DTWD1: variants seen among roughly 807,000 people sequenced by gnomAD.
DTWD1 encodes tRNA-uridine aminocarboxypropyltransferase 1.
A neutral mutation model predicts 30.2 loss-of-function variants in DTWD1; 27 were observed. That is an observed-to-expected ratio of 0.90 (90% CI 0.66 to 1.23). The LOEUF (loss-of-function observed/expected upper bound fraction) is 1.23, where lower values mean the gene tolerates loss of function less well. DTWD1 is among the 50% of genes most tolerant of loss of function. The pLI, the probability that DTWD1 is intolerant of heterozygous loss-of-function variation, is 0.00. For missense variants in DTWD1, 342 were observed against 348.8 expected (o/e 0.98, Z 0.15); for synonymous variants, 99 against 113.1 (o/e 0.88, Z 0.79).
intron 3 of DTWD1, among the ~76,000 whole-genome samples, chr15:49,632,798 C>T (rs963349341): frequency 6.6e-6 from 1 of 151,960 alleles, no homozygotes; most frequent in Non-Finnish European, 1.5e-5. Flanking sequence ...TTTTTAGATT[C>T]TTAATTGGTT....
At position 49,652,074 on chromosome 15, in the gene DTWD1, G is replaced by T. The variant is rs1380855479; in HGVS notation, c.*8496G>T. ...GGGTCTTGGAACCCATTTATTCCTAGGGGTAGATGCAAAGAGAGTAGAAGA... is the reference window on the plus strand; with the variant it reads ...GGGTCTTGGAACCCATTTATTCCTATGGGTAGATGCAAAGAGAGTAGAAGA... On this transcript the variant is annotated 3_prime_UTR_variant, in exon 5 of 5. Coordinates refer to ENST00000403028, the MANE Select transcript of DTWD1 (RefSeq NM_001144955.2). 1 of 152,026 alleles carries T rather than the reference G, an allele frequency of 6.6e-6. No individual in the cohort carries two copies. The highest frequency in any genetic ancestry group is 2.4e-5 in the African/African-American group (1 of 41,396). The allele number at this position is 152,026 out of a possible 1,614,324, so 9.4% of individuals were successfully genotyped here. A position where few individuals can be genotyped will look rare whatever the true frequency, so the allele number is the denominator to read the frequency against.
At chr15:49,621,769 C>T (rs2078723728) in intron 1 of DTWD1, among the ~76,000 whole-genome samples, 1 of 152,032 alleles carries the variant, frequency 6.6e-6, no homozygotes, top group African/African-American at 2.4e-5. Context: ...TACCATATGG[C>T]GGGTGGTGTG....
At chr15:49,630,290 T>C (rs886794768) in intron 2 of DTWD1, among the ~76,000 whole-genome samples, 1 of 152,154 alleles carries the variant, frequency 6.6e-6, no homozygotes, top group African/African-American at 2.4e-5. Flanking sequence ...TTAAAACTTA[T>C]TAGATTGTAC....
intron 2 of DTWD1, among the ~76,000 whole-genome samples, chr15:49,627,547 T>A (rs1464230209): frequency 1.3e-5 from 2 of 152,134 alleles, no homozygotes; most frequent in East Asian, 3.9e-4. Flanking sequence ...TGTGCAAACA[T>A]AATAGAATGT....
rs138499340 is a variant in DTWD1, at chr15:49,625,837, A to G, written c.264+406A>G. Among the ~76,000 whole-genome samples the G allele has an allele frequency of 3.9e-5, 6 of 152,294 alleles. No individual in the cohort carries two copies. In the East Asian group the frequency reaches 1.2e-3, roughly 29 times the overall value. On this transcript the variant is annotated intron_variant, in intron 2 of 4. Transcript: ENST00000403028. Reference sequence around the variant, plus strand: ...AGGAGTGGTCTGTCCACTATAGTATAAGGCATGTCTGGACATGTTTGGCCA... The same window carrying G: ...AGGAGTGGTCTGTCCACTATAGTATGAGGCATGTCTGGACATGTTTGGCCA...
rs2079155179 is a variant in DTWD1, at chr15:49,652,009, T to C, written c.*8431T>C. 1 of 152,048 alleles carries C rather than the reference T, an allele frequency of 6.6e-6. No individual in the cohort carries two copies. Among genetic ancestry groups the C allele is most frequent in the Non-Finnish European group, 1.5e-5 (1 of 68,010 alleles). The allele number at this position is 152,048 out of a possible 1,614,324, so 9.4% of individuals were successfully genotyped here. On this transcript the variant is annotated 3_prime_UTR_variant, in exon 5 of 5. Coordinates refer to ENST00000403028, the MANE Select transcript of DTWD1 (RefSeq NM_001144955.2). ...AGATACAGAGTATGTACTGGATCAA[T>C]TATCCTTATATAGCATGTGCCCCAA...
rs1241552210 is a variant in DTWD1, at chr15:49,655,050, C to T, written c.*11472C>T. The stretch of plus-strand genomic sequence containing the variant: ...TCTTCAACCTCATGGCTTCTTGGAA[C>T]CAAATTACTTCCCAAAGTCCTCACC... On this transcript the variant is annotated 3_prime_UTR_variant, in exon 5 of 5. Transcript: ENST00000403028. The T allele has an allele frequency of 6.6e-6, 1 of 152,036 alleles. No homozygotes were observed. Among genetic ancestry groups the T allele is most frequent in the East Asian group, 1.9e-4 (1 of 5,156 alleles). 9.4% of individuals were successfully genotyped at this position (152,036 alleles called of 1,614,324 possible). A position where few individuals can be genotyped will look rare whatever the true frequency, so the allele number is the denominator to read the frequency against.
intron 2 of DTWD1, 198 bp downstream of exon 2, chr15:49,625,629 C>T (rs961852466): frequency 2.8e-5 from 16 of 567,044 alleles, no homozygotes; most frequent in African/African-American, 1.3e-4. Flanking sequence ...AAGGGTGCTG[C>T]GCCTGATCGC....
In DTWD1 at chr15:49,644,688, G is replaced by A. The variant is rs946728636; in HGVS notation, c.*1110G>A. The A allele has an allele frequency of 5.3e-5, 8 of 152,062 alleles. No homozygotes were observed. The highest frequency in any genetic ancestry group is 1.9e-4 in the African/African-American group (8 of 41,388). 9.4% of individuals were successfully genotyped at this position (152,062 alleles called of 1,614,324 possible). ...TCCTCTACTAAATAGTACCTTATCA[G>A]GAATCCTATCTCTTCTGTTCCCAAG... On this transcript the variant is annotated 3_prime_UTR_variant, in exon 5 of 5. Transcript: ENST00000403028.
rs190291708 is a variant in DTWD1, at chr15:49,626,577, G to T, written c.264+1146G>T. 3.1e-3 allele frequency among the ~76,000 whole-genome samples: 471 copies of T among 152,160 alleles called. 2 individuals carry two copies. Among genetic ancestry groups the T allele is most frequent in the African/African-American group, 0.011 (444 of 41,514 alleles). On this transcript the variant is annotated intron_variant, in intron 2 of 4. Transcript: ENST00000403028. Reference sequence around the variant, plus strand: ...CAATTAATGTATAAAATTTGACTGTGTAAGACTTTAGAGAGACTAAATTCT... The same window carrying T: ...CAATTAATGTATAAAATTTGACTGTTTAAGACTTTAGAGAGACTAAATTCT...
rs559987332 is a variant in DTWD1, at chr15:49,643,836, T to C, written c.*258T>C. ...TCAGTTTCATTACTACATTTTAATATAGTGTGTTATGTCTCTGTGATTAGA... is the reference window on the plus strand; with the variant it reads ...TCAGTTTCATTACTACATTTTAATACAGTGTGTTATGTCTCTGTGATTAGA... On this transcript the variant is annotated 3_prime_UTR_variant, in exon 5 of 5. Coordinates refer to ENST00000403028, the MANE Select transcript of DTWD1 (RefSeq NM_001144955.2). The C allele has an allele frequency of 6.6e-5, 20 of 301,604 alleles. No homozygotes were observed. The East Asian group carries it at 1.4e-3, about 21-fold the overall frequency. The allele number at this position is 301,604 out of a possible 1,614,324, so 18.7% of individuals were successfully genotyped here.
chr15:49,621,893 A>G (rs1337176706), intron 1 of DTWD1, among the ~76,000 whole-genome samples: 1 of 152,170 alleles, frequency 6.6e-6, no homozygotes, highest in African/African-American at 2.4e-5. Flanking sequence ...TCTAAAGAAA[A>G]TTGGAAGTGG....
intron 2 of DTWD1, among the ~76,000 whole-genome samples, chr15:49,630,203 G>GA (rs1172427548): frequency 6.6e-6 from 1 of 152,222 alleles, no homozygotes; most frequent in East Asian, 1.9e-4. Context: ...GGAGAAGGAA[G>GA]AAGGGCTTGA....
At chr15:49,634,372 C>A (rs1567740372) in intron 3 of DTWD1, among the ~76,000 whole-genome samples, 164 bp from the exon 4 acceptor site, 1 of 151,838 alleles carries the variant, frequency 6.6e-6, no homozygotes, top group African/African-American at 2.4e-5. Flanking sequence ...AGGGGAGAGC[C>A]AAAAACTTTA....
In DTWD1 at chr15:49,652,569, A is replaced by G. The variant is rs2079158606; in HGVS notation, c.*8991A>G. On this transcript the variant is annotated 3_prime_UTR_variant, in exon 5 of 5. Transcript: ENST00000403028. ...TAGCAGAGGCTGAGGGAAATCTAGA[A>G]TTGATAGTGGAGGATGAGGGGATGT... The G allele has an allele frequency of 7.6e-6, 1 of 131,358 alleles. No individual in the cohort carries two copies. Among genetic ancestry groups the G allele is most frequent in the Non-Finnish European group, 1.5e-5 (1 of 65,918 alleles). The allele number at this position is 131,358 out of a possible 1,614,324, so 8.1% of individuals were successfully genotyped here.
Position 49,655,912 on chromosome 15 carries a change from T to G in DTWD1, c.*12334T>G, listed in dbSNP as rs958495516. The G allele has an allele frequency of 6.6e-6, 1 of 152,084 alleles. No homozygotes were observed. The highest frequency in any genetic ancestry group is 2.4e-5 in the African/African-American group (1 of 41,438). The allele number at this position is 152,084 out of a possible 1,614,324, so 9.4% of individuals were successfully genotyped here. A position where few individuals can be genotyped will look rare whatever the true frequency, so the allele number is the denominator to read the frequency against. On this transcript the variant is annotated 3_prime_UTR_variant, in exon 5 of 5. Coordinates refer to ENST00000403028, the MANE Select transcript of DTWD1 (RefSeq NM_001144955.2). ...TTTACCTTCCTCTCTAGGCCCATCA[T>G]AAAAATCTTTGAAAAATTAATACTA... is the stretch of plus-strand genomic sequence containing the variant.
chr15:49,627,182 A>T (rs2078855066), intron 2 of DTWD1, among the ~76,000 whole-genome samples: 1 of 152,106 alleles, frequency 6.6e-6, no homozygotes, highest in African/African-American at 2.4e-5. Flanking sequence ...AATAGAAATG[A>T]CTCAAGACAT....
At chr15:49,628,131 C>G (rs530719510) in intron 2 of DTWD1, among the ~76,000 whole-genome samples, 1 of 152,100 alleles carries the variant, frequency 6.6e-6, no homozygotes, top group African/African-American at 2.4e-5. Context: ...ACACGTTACC[C>G]TAGGCTTACA....
In DTWD1 at chr15:49,644,859, T is replaced by A. The variant is rs1253591934; in HGVS notation, c.*1281T>A. 1 of 152,288 alleles carries A rather than the reference T, an allele frequency of 6.6e-6. No individual in the cohort carries two copies. Among genetic ancestry groups the A allele is most frequent in the Admixed American group, 6.5e-5 (1 of 15,290 alleles). The allele number at this position is 152,288 out of a possible 1,614,324, so 9.4% of individuals were successfully genotyped here. ...GCTTTACCTAAACCCTGCTCATACA[T>A]TTGTAAATACTGTAGTTGTTTTATT... On this transcript the variant is annotated 3_prime_UTR_variant, in exon 5 of 5. Transcript: ENST00000403028.
Sources: gnomAD v4.1 joint callset for allele counts (sites outside exome capture counted in the v4.1 genomes callset) on GRCh38, gnomAD v4.1.1 for gene constraint, MANE v1.5 for transcripts, NCBI Gene and HGNC (gene_info 2026-07-23, HGNC 2026-07-21) for gene names.